Variants in DIP2B observed in about 807,000 individuals in gnomAD.
DIP2B encodes disco-interacting protein 2 homolog B.
In DIP2B, 76 loss-of-function variants were observed where a neutral mutation model predicts 198.0. The observed-to-expected ratio is 0.38, with a 90% CI of 0.32 to 0.46. The LOEUF (loss-of-function observed/expected upper bound fraction) is 0.46. Among genes scored for constraint, DIP2B ranks in the 20% least tolerant of loss-of-function variants. The probability of loss-of-function intolerance (pLI) is 0.99; values close to 1 mark genes in which losing one functional copy is unlikely to be tolerated. For synonymous variants in DIP2B, 701 were observed against 739.1 expected (o/e 0.95, Z 0.84); for missense variants, 1,559 against 1,978.4 (o/e 0.79, Z 4.02).
intron 35 of DIP2B, among the ~76,000 whole-genome samples, chr12:50,738,908 T>C (rs970520645): frequency 1.3e-5 from 2 of 152,224 alleles, no homozygotes; most frequent in Non-Finnish European, 2.9e-5. Flanking sequence ...ACATAATGAT[T>C]CTTAGTAACA....
intron 1 of DIP2B, among the ~76,000 whole-genome samples, chr12:50,555,720 C>G (rs938163942): frequency 6.6e-6 from 1 of 152,074 alleles, no homozygotes; most frequent in African/African-American, 2.4e-5. Context: ...CATTGGGCCT[C>G]TCACCTCTTG....
intron 1 of DIP2B, among the ~76,000 whole-genome samples, chr12:50,506,776 C>T (rs1957972129): frequency 6.6e-6 from 1 of 152,176 alleles, no homozygotes; most frequent in Non-Finnish European, 1.5e-5. Flanking sequence ...CATTCTTCTC[C>T]TAGACTAAAG....
intron 1 of DIP2B, among the ~76,000 whole-genome samples, chr12:50,593,690 T>C (rs1958839249): frequency 1.0e-5 from 1 of 97,502 alleles, no homozygotes; most frequent in Non-Finnish European, 2.1e-5. Flanking sequence ...AATACACTCT[T>C]TTCTCCTCTC....
rs144683928 is a variant in DIP2B at position 50,698,376 on chromosome 12, G to T, written c.2097G>T (p.Met699Ile). The change falls in exon 18 of 38, where the codon ATG becomes ATT. Residue 699 changes from methionine (M) to isoleucine (I), a missense_variant. Transcript: ENST00000301180. ...APLPGRAILS[M>I]NGLSYGVIRV... ...TGCCAGGAAGAGCCATTCTCTCAAT[G>T]AATGGATTGAGCTATGGGGTAATAC... 6.8e-6 allele frequency: 11 copies of T among 1,613,932 alleles called. No individual in the cohort carries two copies. The highest frequency in any genetic ancestry group is 8.5e-6 in the Non-Finnish European group (10 of 1,179,906).
intron 17 of DIP2B, among the ~76,000 whole-genome samples, chr12:50,697,832 G>C (rs1435045611): frequency 6.6e-6 from 1 of 151,826 alleles, no homozygotes; most frequent in Non-Finnish European, 1.5e-5. Flanking sequence ...GCCTGGCCCA[G>C]TACGCAATAC....
intron 6 of DIP2B, among the ~76,000 whole-genome samples, chr12:50,675,004 AAT>A (rs534479244): frequency 3.0e-4 from 46 of 152,292 alleles, no homozygotes; most frequent in African/African-American, 1.1e-3. Flanking sequence ...CTCTACTAAA[AAT>A]ACAAAAAATT....
intron 3 of DIP2B, among the ~76,000 whole-genome samples, chr12:50,647,706 A>G (rs1387155145): frequency 4.6e-5 from 7 of 152,200 alleles, no homozygotes; most frequent in Admixed American, 6.5e-5. Flanking sequence ...CTGTCTGTCT[A>G]TGGAAAAATC....
Position 50,675,421 on chromosome 12 carries a change from G to A in DIP2B, c.889G>A (p.Val297Met). 1 of 1,613,890 alleles carries A rather than the reference G, an allele frequency of 6.2e-7. No homozygotes were observed. The highest frequency in any genetic ancestry group is 8.5e-7 in the Non-Finnish European group (1 of 1,179,876). ...PKRPPLKEFF[V>M]DDSEEIVEVP... Reference sequence around the variant, plus strand: ...AAGGCCTCCCTTAAAGGAATTTTTTGTGGATGACTCTGAAGAAATTGTGGA... The same window carrying A: ...AAGGCCTCCCTTAAAGGAATTTTTTATGGATGACTCTGAAGAAATTGTGGA... The change falls in exon 7 of 38, where the codon GTG (valine) becomes ATG (methionine). Residue 297 changes from valine (V) to methionine (M), a missense_variant. By Grantham distance (21) the Val-to-Met change is conservative. Coordinates refer to ENST00000301180, the MANE Select transcript of DIP2B (RefSeq NM_173602.3).
intron 1 of DIP2B, among the ~76,000 whole-genome samples, chr12:50,566,990 A>G (rs1486412066): frequency 6.7e-6 from 1 of 150,372 alleles, no homozygotes; most frequent in Non-Finnish European, 1.5e-5. Flanking sequence ...AAAAAAAAAA[A>G]AAGAAAGAAA....
intron 20 of DIP2B, among the ~76,000 whole-genome samples, chr12:50,704,905 G>A (rs913947696): frequency 2.6e-5 from 4 of 151,876 alleles, no homozygotes; most frequent in Admixed American, 1.3e-4. Context: ...TGGAGATCAC[G>A]CCACTATGCT....
At chr12:50,688,896 A>T (rs1011062349) in intron 12 of DIP2B, among the ~76,000 whole-genome samples, 1 of 152,048 alleles carries the variant, frequency 6.6e-6, no homozygotes, top group Non-Finnish European at 1.5e-5. Flanking sequence ...CTCTGGCCTT[A>T]TTAGAACTTC....
intron 2 of DIP2B, among the ~76,000 whole-genome samples, chr12:50,630,124 A>G (rs1938017185): frequency 6.6e-6 from 1 of 151,334 alleles, no homozygotes; most frequent in African/African-American, 2.4e-5. Context: ...TAATTTTTGT[A>G]TTTTTAGTAG....
chr12:50,624,387 C>G (rs1374160090), intron 1 of DIP2B, among the ~76,000 whole-genome samples: 1 of 152,142 alleles, frequency 6.6e-6, no homozygotes, highest in East Asian at 1.9e-4. Context: ...GGCTGGAGTG[C>G]AGTGGCGCGA....
intron 1 of DIP2B, among the ~76,000 whole-genome samples, chr12:50,566,605 G>A (rs752170147): frequency 2.0e-4 from 30 of 151,974 alleles, no homozygotes; most frequent in Non-Finnish European, 3.5e-4. Flanking sequence ...ATGAATGTTA[G>A]GTCTTTTGAT....
chr12:50,509,874 T>C (rs573962065), intron 1 of DIP2B, among the ~76,000 whole-genome samples: 1 of 152,308 alleles, frequency 6.6e-6, no homozygotes, highest in African/African-American at 2.4e-5. Flanking sequence ...AGTTGTAACA[T>C]CTGATGCTAG....
intron 1 of DIP2B, among the ~76,000 whole-genome samples, chr12:50,592,852 A>G (rs538109838): frequency 1.3e-5 from 2 of 152,288 alleles, no homozygotes; most frequent in East Asian, 3.9e-4. Flanking sequence ...GAAAGCCTCT[A>G]GCCTGTCAGT....
intron 2 of DIP2B, among the ~76,000 whole-genome samples, chr12:50,631,755 C>T (rs1190497763): frequency 1.3e-5 from 2 of 152,140 alleles, no homozygotes; most frequent in Non-Finnish European, 2.9e-5. Flanking sequence ...TCTTAAAGCA[C>T]ATTTTTTAGT....
At chr12:50,523,709 GATGA>G (rs565879534) in intron 1 of DIP2B, among the ~76,000 whole-genome samples, 3 of 152,114 alleles carry the variant, frequency 2.0e-5, no homozygotes, top group Non-Finnish European at 2.9e-5. Flanking sequence ...TTTAAAACAG[GATGA>G]ATGGACAGAA....
chr12:50,520,616 A>G (rs1358212213), intron 1 of DIP2B, among the ~76,000 whole-genome samples: 1 of 152,198 alleles, frequency 6.6e-6, no homozygotes, highest in Non-Finnish European at 1.5e-5. Context: ...TCCTGTTAAA[A>G]AAACAACTTC....
Sources: allele counts gnomAD v4.1 joint callset (sites outside exome capture counted in the v4.1 genomes callset), GRCh38; gene constraint gnomAD v4.1.1; transcripts MANE v1.5; gene names NCBI Gene and HGNC (gene_info 2026-07-23, HGNC 2026-07-21).